ADGRV1: variants seen among roughly 807,000 people sequenced by gnomAD.
ADGRV1 encodes G-protein coupled receptor 98.
In ADGRV1, 359 loss-of-function variants were observed where a neutral mutation model predicts 596.2. The observed-to-expected ratio is 0.60, with a 90% CI of 0.55 to 0.66. The LOEUF is 0.66. ADGRV1 is among the 30% of genes least tolerant of loss of function. The pLI is 0.00. For missense variants in ADGRV1, 7,274 were observed against 7,575.6 expected (o/e 0.96, Z 1.48); for synonymous variants, 2,681 against 2,679.2 (o/e 1.00, Z -0.02).
rs58944363 is a variant in ADGRV1 at position 90,744,942 on chromosome 5, G to A, written c.10550-104G>A. 1,573 of 745,762 alleles carry A rather than the reference G, an allele frequency of 2.1e-3. 12 individuals carry two copies. In the African/African-American group the frequency reaches 0.023, roughly 11 times the overall value. The allele number at this position is 745,762 out of a possible 1,614,324, so 46.2% of individuals were successfully genotyped here. On this transcript the variant is annotated intron_variant, in intron 50 of 89. Transcript: ENST00000405460. ...ATTTAGTTACCTCAGAAATCACAAT[G>A]GAACTTTGAGATTTTGGAAGATTTT...
chr5:90,864,001 A>G, intron 83 of ADGRV1, 144 bp downstream of exon 83: 1 of 587,442 alleles, frequency 1.7e-6, no homozygotes, highest in Non-Finnish European at 3.0e-6. Flanking sequence ...GAGAATGGGG[A>G]CAGGAGAGTC....
intron 75 of ADGRV1, 81 bp from the exon 76 acceptor site, chr5:90,823,344 G>C: frequency 7.3e-7 from 1 of 1,364,848 alleles, no homozygotes. Flanking sequence ...GGATGAAGAG[G>C]TACCATTATT....
chr5:91,018,817 A>G (rs915144990), intron 85 of ADGRV1, among the ~76,000 whole-genome samples: 1 of 151,998 alleles, frequency 6.6e-6, no homozygotes, highest in Non-Finnish European at 1.5e-5. Context: ...CTTAAGCCTT[A>G]AAGCTTAAGT....
rs1355064310 is a variant in ADGRV1, at chr5:90,723,933, C to CT, written c.9749-890dup. Among the ~76,000 whole-genome samples the CT allele has an allele frequency of 2.8e-3, 411 of 147,424 alleles. 4 individuals are homozygous for CT. The highest frequency in any genetic ancestry group is 9.5e-3 in the African/African-American group (382 of 40,334). The stretch of plus-strand genomic sequence containing the variant: ...ATTTTTATTTTTGCCCTTTTTTTTT[C>CT]TTTTTTTTTGTAGTACAGAATTTTA... On this transcript the variant is annotated intron_variant, in intron 45 of 89. Coordinates refer to ENST00000405460, the MANE Select transcript of ADGRV1 (RefSeq NM_032119.4).
intron 7 of ADGRV1, 173 bp downstream of exon 7, chr5:90,627,949 C>CAG (rs1765000134): frequency 2.3e-6 from 1 of 441,292 alleles, no homozygotes; most frequent in Non-Finnish European, 4.0e-6. Flanking sequence ...CACACACACA[C>CAG]ACACACACAC....
chr5:91,027,214 A>G (rs1217805049), intron 85 of ADGRV1, among the ~76,000 whole-genome samples: 1 of 148,724 alleles, frequency 6.7e-6, no homozygotes, highest in Admixed American at 6.7e-5. Flanking sequence ...GAGAGGAGCA[A>G]TCTCTCAGTT....
chr5:90,729,286 T>C (rs2149816104), intron 49 of ADGRV1, among the ~76,000 whole-genome samples: 1 of 152,340 alleles, frequency 6.6e-6, no homozygotes, highest in Middle Eastern at 3.4e-3. Context: ...TAGTAAATAA[T>C]GTTCAGAACT....
At chr5:90,914,648 C>G (rs1773186830) in intron 83 of ADGRV1, among the ~76,000 whole-genome samples, 1 of 151,794 alleles carries the variant, frequency 6.6e-6, no homozygotes, top group Non-Finnish European at 1.5e-5. Context: ...AGATGATTTC[C>G]CCATTTCTGA....
intron 87 of ADGRV1, among the ~76,000 whole-genome samples, chr5:91,131,707 G>A (rs990955167): frequency 1.2e-4 from 18 of 152,056 alleles, no homozygotes; most frequent in African/African-American, 3.9e-4. Context: ...TTTGTCAGAT[G>A]GATAGTTTGC....
At chr5:91,073,515 C>A (rs1449358955) in intron 86 of ADGRV1, among the ~76,000 whole-genome samples, 1 of 152,184 alleles carries the variant, frequency 6.6e-6, no homozygotes, top group African/African-American at 2.4e-5. Flanking sequence ...TACAGGGCGT[C>A]ACTCTAATGT....
At position 90,674,095 on chromosome 5, in the gene ADGRV1, T is replaced by C; in HGVS notation, c.4971T>C (p.Leu1657=). 1 of 1,613,262 alleles carries C rather than the reference T, an allele frequency of 6.2e-7. No homozygotes were observed. Among genetic ancestry groups the C allele is most frequent in the Non-Finnish European group, 8.5e-7 (1 of 1,179,338 alleles). The change falls in exon 23 of 90, where the codon CTT becomes CTC. Residue 1657 remains leucine, a synonymous_variant. Coordinates refer to ENST00000405460, the MANE Select transcript of ADGRV1 (RefSeq NM_032119.4). ...TTCTTGATGATGATATTCCTGAACTTAATGAGTATTTCCGTGTGACATTGG... is the reference window on the plus strand; with the variant it reads ...TTCTTGATGATGATATTCCTGAACTCAATGAGTATTTCCGTGTGACATTGG... ...IYVLDDDIPE[L]NEYFRVTLVS...
intron 30 of ADGRV1, 98 bp downstream of exon 30, chr5:90,690,174 G>A: frequency 1.4e-6 from 1 of 713,134 alleles, no homozygotes; most frequent in Non-Finnish European, 2.3e-6. Context: ...ATCTGATCAT[G>A]CTTTCTTTCT....
chr5:90,959,827 A>G (rs1462695610), intron 83 of ADGRV1, among the ~76,000 whole-genome samples: 1 of 152,190 alleles, frequency 6.6e-6, no homozygotes, highest in African/African-American at 2.4e-5. Context: ...AATTTAATAG[A>G]TGCAAACTAA....
intron 17 of ADGRV1, among the ~76,000 whole-genome samples, chr5:90,650,246 G>C (rs1768395870): frequency 1.3e-5 from 2 of 152,156 alleles, no homozygotes; most frequent in South Asian, 4.1e-4. Context: ...CATCCTTCAA[G>C]CCCTTGTTAA....
rs1554202360 is a variant in ADGRV1, at chr5:91,035,861, T to TTATATA, written c.18153-36570_18153-36565dup. 4.6e-3 allele frequency among the ~76,000 whole-genome samples: 442 copies of TTATATA among 96,402 alleles called. 7 individuals are homozygous for TTATATA. Among genetic ancestry groups the TTATATA allele is most frequent in the Non-Finnish European group, 8.0e-3 (370 of 46,076 alleles). The allele number at this position is 96,402 out of a possible 152,430, so 63.2% of individuals were successfully genotyped here. ...ATGAGTGTGTATATATATATATATATTATATATATATATATATATATCTTA... is the reference window on the plus strand; with the variant it reads ...ATGAGTGTGTATATATATATATATATTATATATATATATATATATATATATATCTTA... On this transcript the variant is annotated intron_variant, in intron 85 of 89. Coordinates refer to ENST00000405460, the MANE Select transcript of ADGRV1 (RefSeq NM_032119.4).
At chr5:90,769,484 A>G (rs2150043129) in intron 59 of ADGRV1, among the ~76,000 whole-genome samples, 1 of 152,332 alleles carries the variant, frequency 6.6e-6, no homozygotes, top group East Asian at 1.9e-4. Context: ...AAATATACAG[A>G]GAACAACTAT....
intron 5 of ADGRV1, 72 bp from the exon 6 acceptor site, chr5:90,625,058 C>A: frequency 2.3e-6 from 2 of 856,504 alleles, no homozygotes; most frequent in South Asian, 1.6e-5. Flanking sequence ...TGTCAGCTGA[C>A]ATCACAATGA....
intron 73 of ADGRV1, among the ~76,000 whole-genome samples, chr5:90,807,940 C>T (rs565117447): frequency 1.3e-5 from 2 of 152,320 alleles, no homozygotes; most frequent in African/African-American, 4.8e-5. Flanking sequence ...CTAAAGAGAG[C>T]TCCTCATGCC....
intron 84 of ADGRV1, among the ~76,000 whole-genome samples, chr5:90,973,269 A>T (rs1304088530): frequency 2.6e-5 from 4 of 152,224 alleles, no homozygotes; most frequent in Non-Finnish European, 5.9e-5. Context: ...ATTCTACCAG[A>T]GGTACAAGGA....
Sources: allele counts gnomAD v4.1 joint callset (sites outside exome capture counted in the v4.1 genomes callset), GRCh38; gene constraint gnomAD v4.1.1; transcripts MANE v1.5; gene names NCBI Gene and HGNC (gene_info 2026-07-23, HGNC 2026-07-21).